TSPAN18: variants seen among roughly 807,000 people sequenced by gnomAD.
The protein encoded by TSPAN18 is tetraspanin-18.
A neutral mutation model predicts 27.3 loss-of-function variants in TSPAN18; 14 were observed. The ratio of observed to expected loss-of-function variants is 0.51; its 90% CI spans 0.34 to 0.80. TSPAN18 has a LOEUF of 0.80. Among genes scored for constraint, TSPAN18 ranks in the 30% least tolerant of loss-of-function variants. TSPAN18 has a pLI of 0.01. For synonymous variants in TSPAN18, 143 were observed against 136.5 expected (o/e 1.05, Z -0.33); for missense variants, 268 against 323.9 (o/e 0.83, Z 1.32).
intron 2 of TSPAN18, among the ~76,000 whole-genome samples, chr11:44,796,040 G>A (rs902648268): frequency 1.2e-4 from 18 of 151,936 alleles, no homozygotes; most frequent in African/African-American, 3.4e-4. Context: ...TGGTCCCTCC[G>A]TTGCCCTTTC....
intron 2 of TSPAN18, among the ~76,000 whole-genome samples, chr11:44,807,218 AAAAAAAAAAAAAAAAAAAG>A (rs555918699): frequency 0.2 from 11,521 of 56,524 alleles, 1,912 homozygotes; most frequent in South Asian, 0.47. Context: ...AAAAAAAAAA[AAAAAAAAAAAAAAAAAAAG>A]AAGGAAAGAG....
intron 1 of TSPAN18, among the ~76,000 whole-genome samples, chr11:44,741,014 C>T (rs1209523067): frequency 3.3e-5 from 5 of 152,148 alleles, no homozygotes; most frequent in East Asian, 1.9e-4. Context: ...ATCCGCATCA[C>T]GGGAGTGGGG....
intron 1 of TSPAN18, among the ~76,000 whole-genome samples, chr11:44,741,447 A>ATATGTGTGTGTGTGTGTGTGTGTG (rs59390988): frequency 1.4e-5 from 2 of 147,384 alleles, no homozygotes; most frequent in African/African-American, 2.5e-5. Context: ...TCAGACATGT[A>ATATGTGTGTGTGTGTGTGTGTGTG]TGTGTGTGTG....
Position 44,929,305 on chromosome 11 carries a change from G to C in TSPAN18, c.*127G>C. The C allele has an allele frequency of 8.7e-7, 1 of 1,155,260 alleles. No individual in the cohort carries two copies. The highest frequency in any genetic ancestry group is 1.3e-6 in the Non-Finnish European group (1 of 795,012). 71.6% of individuals were successfully genotyped at this position (1,155,260 alleles called of 1,614,324 possible). On this transcript the variant is annotated 3_prime_UTR_variant, in exon 10 of 10. Coordinates refer to ENST00000520358, the MANE Select transcript of TSPAN18 (RefSeq NM_130783.5). ...AGATGAGGCCATCAGAGATGGCCAG[G>C]AGAAGGGCCAGGGGAATAGAGCTAT...
At chr11:44,906,856 C>T (rs1253231799) in intron 4 of TSPAN18, among the ~76,000 whole-genome samples, 3 of 152,182 alleles carry the variant, frequency 2.0e-5, no homozygotes, top group Non-Finnish European at 2.9e-5. Context: ...GAGCAGTTGA[C>T]GGACTTCAGA....
At chr11:44,903,456 G>T (rs1859339463) in intron 3 of TSPAN18, 2 of 456,492 alleles carry the variant, frequency 4.4e-6, no homozygotes, top group Non-Finnish European at 8.8e-6. Flanking sequence ...TCTGTAGGAG[G>T]CAGCTTGGTC....
chr11:44,856,689 C>G (rs541128238), intron 2 of TSPAN18, among the ~76,000 whole-genome samples: 89 of 152,292 alleles, frequency 5.8e-4, no homozygotes, highest in Non-Finnish European at 1.1e-3. Context: ...TCAATTAATG[C>G]TTTCCAAATG....
intron 2 of TSPAN18, among the ~76,000 whole-genome samples, chr11:44,791,402 T>C (rs113061631): frequency 1.1e-4 from 17 of 152,338 alleles, no homozygotes; most frequent in African/African-American, 3.8e-4. Flanking sequence ...GTTTAATTAA[T>C]AATGGATACA....
chr11:44,860,037 T>G (rs886597161), intron 2 of TSPAN18, among the ~76,000 whole-genome samples: 2 of 152,172 alleles, frequency 1.3e-5, no homozygotes, highest in African/African-American at 4.8e-5. Flanking sequence ...CTGAACCTCC[T>G]CTCCCTTCTG....
intron 2 of TSPAN18, among the ~76,000 whole-genome samples, chr11:44,842,899 A>G (rs1234060451): frequency 6.6e-6 from 1 of 151,878 alleles, no homozygotes; most frequent in Non-Finnish European, 1.5e-5. Context: ...CCCCATCCCA[A>G]TCAGTGCTTC....
chr11:44,911,219 G>C (rs1293187991), intron 5 of TSPAN18, among the ~76,000 whole-genome samples: 1 of 152,206 alleles, frequency 6.6e-6, no homozygotes, highest in Non-Finnish European at 1.5e-5. Flanking sequence ...TTCGTGGGCG[G>C]AGTTAAATGA....
chr11:44,791,377 C>T (rs1856216554), intron 2 of TSPAN18, among the ~76,000 whole-genome samples: 2 of 152,206 alleles, frequency 1.3e-5, no homozygotes, highest in Non-Finnish European at 2.9e-5. Flanking sequence ...CAAGTTTGAA[C>T]TAATTGGCTC....
At position 44,929,326 on chromosome 11, in the gene TSPAN18, G is replaced by A; in HGVS notation, c.*148G>A. ...CCAGGAGAAGGGCCAGGGGAATAGA[G>A]CTATTTTTTTAACAAAACAAAATGA... On this transcript the variant is annotated 3_prime_UTR_variant, in exon 10 of 10. Transcript: ENST00000520358. 1 of 940,250 alleles carries A rather than the reference G, an allele frequency of 1.1e-6. No individual in the cohort carries two copies. The highest frequency in any genetic ancestry group is 1.6e-6 in the Non-Finnish European group (1 of 624,356). 58.2% of individuals were successfully genotyped at this position (940,250 alleles called of 1,614,324 possible).
intron 5 of TSPAN18, among the ~76,000 whole-genome samples, chr11:44,914,424 TC>T (rs1474658122): frequency 6.6e-6 from 1 of 152,178 alleles, no homozygotes; most frequent in East Asian, 1.9e-4. Context: ...TAATCATACT[TC>T]CTTCCCAGCC....
Position 44,727,227 on chromosome 11 carries a change from G to C in TSPAN18, c.-300G>C, listed in dbSNP as rs1854536164. 6.6e-6 allele frequency: 1 copy of C among 151,830 alleles called. No homozygotes were observed. Among genetic ancestry groups the C allele is most frequent in the South Asian group, 1.9e-4 (1 of 5,248 alleles). 9.4% of individuals were successfully genotyped at this position (151,830 alleles called of 1,614,324 possible). ...GTTGCGAGCGCGCCCCTCCGACCAGGAAAGTTTCCCCCCGGCCGCCGGCGG... is the reference window on the plus strand; with the variant it reads ...GTTGCGAGCGCGCCCCTCCGACCAGCAAAGTTTCCCCCCGGCCGCCGGCGG... On this transcript the variant is annotated 5_prime_UTR_variant, in exon 1 of 10. Transcript: ENST00000520358.
intron 1 of TSPAN18, among the ~76,000 whole-genome samples, chr11:44,762,358 T>C (rs375300507): frequency 2.0e-5 from 3 of 152,360 alleles, no homozygotes; most frequent in African/African-American, 7.2e-5. Context: ...TATTGCAGAA[T>C]GTGTGTGGTA....
intron 2 of TSPAN18, among the ~76,000 whole-genome samples, chr11:44,814,815 A>C (rs1856788973): frequency 6.6e-6 from 1 of 152,232 alleles, no homozygotes; most frequent in Non-Finnish European, 1.5e-5. Flanking sequence ...CTGATAGAGC[A>C]GGCTGCTAAA....
chr11:44,828,815 CCT>C (rs1857097529), intron 2 of TSPAN18, among the ~76,000 whole-genome samples: 1 of 152,128 alleles, frequency 6.6e-6, no homozygotes, highest in Non-Finnish European at 1.5e-5. Flanking sequence ...TCACTCCAGC[CCT>C]CTCAATATCC....
rs1368382605 is a variant in TSPAN18 at position 44,812,502 on chromosome 11, G to C, written c.-152-47826G>C. 1.3e-5 allele frequency among the ~76,000 whole-genome samples: 2 copies of C among 152,146 alleles called. 1 individual carries two copies. The highest frequency in any genetic ancestry group is 4.1e-4 in the South Asian group (2 of 4,820). On this transcript the variant is annotated intron_variant, in intron 2 of 9. Transcript: ENST00000520358. Reference sequence around the variant, plus strand: ...TGGAGGGCAGTCCAGTGGGGATGACGCATAAACAGACTCACAGAGGGGGCA... The same window carrying C: ...TGGAGGGCAGTCCAGTGGGGATGACCCATAAACAGACTCACAGAGGGGGCA...
Sources: allele counts gnomAD v4.1 joint callset (sites outside exome capture counted in the v4.1 genomes callset), GRCh38; gene constraint gnomAD v4.1.1; transcripts MANE v1.5; gene names NCBI Gene and HGNC (gene_info 2026-07-23, HGNC 2026-07-21).